Variants in SLC25A21 observed in about 807,000 individuals in gnomAD.
SLC25A21 encodes the protein mitochondrial 2-oxodicarboxylate carrier.
A neutral mutation model predicts 43.8 loss-of-function variants in SLC25A21; 47 were observed. The observed-to-expected ratio is 1.07, with a 90% CI of 0.85 to 1.37. The LOEUF is 1.37. SLC25A21 is among the 40% of genes most tolerant of loss of function. The pLI, the probability that SLC25A21 is intolerant of heterozygous loss-of-function variation, is 0.00. For synonymous variants in SLC25A21, 131 were observed against 121.3 expected (o/e 1.08, Z -0.52); for missense variants, 352 against 350.2 (o/e 1.00, Z -0.04).
intron 9 of SLC25A21, among the ~76,000 whole-genome samples, chr14:36,681,802 G>A (rs542183942): frequency 1.7e-4 from 26 of 152,130 alleles, no homozygotes; most frequent in African/African-American, 5.5e-4. Flanking sequence ...TTATCTGCCT[G>A]TAATTTTCAT....
chr14:36,682,994 A>C (rs1025053917), intron 9 of SLC25A21, among the ~76,000 whole-genome samples: 12 of 152,152 alleles, frequency 7.9e-5, no homozygotes, highest in African/African-American at 2.9e-4. Context: ...AATAGTGTTA[A>C]AAGGGAGGAA....
intron 2 of SLC25A21, among the ~76,000 whole-genome samples, chr14:36,823,090 C>G (rs1005144248): frequency 5.3e-5 from 8 of 152,152 alleles, no homozygotes; most frequent in Admixed American, 2.0e-4. Flanking sequence ...CCCTCTGGCA[C>G]AAGTTCTTCT....
At chr14:36,795,767 C>T (rs550828064) in intron 3 of SLC25A21, among the ~76,000 whole-genome samples, 18 of 152,230 alleles carry the variant, frequency 1.2e-4, no homozygotes, top group African/African-American at 4.3e-4. Context: ...GGCTGAGACT[C>T]CTGTCACAAC....
intron 2 of SLC25A21, among the ~76,000 whole-genome samples, chr14:36,837,560 A>G (rs2138491912): frequency 6.6e-6 from 1 of 152,268 alleles, no homozygotes; most frequent in Middle Eastern, 3.4e-3. Context: ...ATGCTGCCAG[A>G]GAACAGGCCC....
intron 1 of SLC25A21, among the ~76,000 whole-genome samples, chr14:37,042,813 C>G (rs1005924792): frequency 8.5e-5 from 13 of 152,180 alleles, no homozygotes; most frequent in African/African-American, 1.9e-4. Context: ...TTACCTTTTC[C>G]ATTACATATT....
At chr14:36,766,161 G>A (rs1886408573) in intron 3 of SLC25A21, among the ~76,000 whole-genome samples, 1 of 151,898 alleles carries the variant, frequency 6.6e-6, no homozygotes, top group South Asian at 2.1e-4. Context: ...ATCTACACCA[G>A]AGTTTTTCTT....
chr14:36,897,740 T>G (rs898814566), intron 1 of SLC25A21, among the ~76,000 whole-genome samples: 9 of 152,178 alleles, frequency 5.9e-5, no homozygotes, highest in Non-Finnish European at 1.0e-4. Flanking sequence ...GTTTGTTAAT[T>G]TTCCTTCTAA....
At chr14:36,832,728 T>C (rs772793459) in intron 2 of SLC25A21, among the ~76,000 whole-genome samples, 16 of 152,224 alleles carry the variant, frequency 1.1e-4, no homozygotes, top group Non-Finnish European at 2.1e-4. Context: ...TTTGCAGCTT[T>C]ATGCCTTTTT....
chr14:36,823,411 C>T (rs1449545559), intron 2 of SLC25A21, among the ~76,000 whole-genome samples: 1 of 152,060 alleles, frequency 6.6e-6, no homozygotes, highest in Non-Finnish European at 1.5e-5. Flanking sequence ...ATAGTGCTAC[C>T]ACTCTTTGAA....
chr14:36,959,842 A>T (rs1420049281), intron 1 of SLC25A21, among the ~76,000 whole-genome samples: 2 of 152,226 alleles, frequency 1.3e-5, no homozygotes, highest in African/African-American at 4.8e-5. Context: ...AAAAGAGTTA[A>T]GACAGAATAT....
At chr14:36,891,884 C>A (rs921384387) in intron 1 of SLC25A21, among the ~76,000 whole-genome samples, 1 of 152,134 alleles carries the variant, frequency 6.6e-6, no homozygotes, top group African/African-American at 2.4e-5. Flanking sequence ...GTGGCAGGAA[C>A]CTGTGTCACA....
At chr14:37,018,264 T>C (rs1440688735) in intron 1 of SLC25A21, among the ~76,000 whole-genome samples, 2 of 151,996 alleles carry the variant, frequency 1.3e-5, no homozygotes, top group African/African-American at 2.4e-5. Flanking sequence ...TCAAATTTAA[T>C]ACCTCCAAAA....
intron 1 of SLC25A21, among the ~76,000 whole-genome samples, chr14:37,162,212 G>A (rs1197479079): frequency 6.6e-6 from 1 of 152,102 alleles, no homozygotes; most frequent in Non-Finnish European, 1.5e-5. Flanking sequence ...CATTTTGTAG[G>A]TTGCCTGTTC....
rs1487766214 is a variant in SLC25A21 at position 37,028,412 on chromosome 14, T to C, written c.70+143869A>G. Among the ~76,000 whole-genome samples the C allele has an allele frequency of 1.1e-4, 16 of 152,296 alleles. 1 individual carries two copies. The South Asian group carries it at 1.9e-3, about 18-fold the overall frequency. ...CATCATTAGTGTCACTTCTCTTGAA[T>C]TGAAGCACTTTATTTCTGCTTCAGC... On this transcript the variant is annotated intron_variant, in intron 1 of 9. Coordinates refer to ENST00000331299, the MANE Select transcript of SLC25A21 (RefSeq NM_030631.4).
In SLC25A21 at chr14:36,678,522, G is replaced by C; in HGVS notation, c.*2136C>G. ...TAGACTATAAACTGAATGGAACAAA[G>C]ATCCAATCCAATATTTTGGTGGAGA... On this transcript the variant is annotated 3_prime_UTR_variant, in exon 10 of 10. Transcript: ENST00000331299. 6.5e-7 allele frequency: 1 copy of C among 1,536,832 alleles called. No individual in the cohort carries two copies.
At chr14:36,756,994 C>T (rs1189698547) in intron 3 of SLC25A21, among the ~76,000 whole-genome samples, 1 of 151,382 alleles carries the variant, frequency 6.6e-6, no homozygotes, top group Admixed American at 6.6e-5. Context: ...TGGCTCATGC[C>T]TGTAATCCTG....
At chr14:36,999,124 G>A (rs910147963) in intron 1 of SLC25A21, among the ~76,000 whole-genome samples, 1 of 152,078 alleles carries the variant, frequency 6.6e-6, no homozygotes, top group Non-Finnish European at 1.5e-5. Context: ...ATTCATAATC[G>A]CCAAAACTGG....
intron 1 of SLC25A21, among the ~76,000 whole-genome samples, chr14:37,082,851 A>G (rs927826450): frequency 2.6e-5 from 4 of 152,212 alleles, no homozygotes; most frequent in African/African-American, 9.6e-5. Flanking sequence ...CAGTAATACT[A>G]AAGAAGGATA....
intron 3 of SLC25A21, among the ~76,000 whole-genome samples, chr14:36,807,365 G>A (rs1888079146): frequency 6.6e-6 from 1 of 152,144 alleles, no homozygotes; most frequent in Admixed American, 6.5e-5. Flanking sequence ...GAGTTGAGAG[G>A]GGAGAGAAAA....
Sources: allele counts gnomAD v4.1 joint callset (sites outside exome capture counted in the v4.1 genomes callset), GRCh38; gene constraint gnomAD v4.1.1; transcripts MANE v1.5; gene names NCBI Gene and HGNC (gene_info 2026-07-23, HGNC 2026-07-21).